Variants in RALYL observed in about 807,000 individuals in gnomAD.
The protein encoded by RALYL is RNA-binding Raly-like protein.
Under a neutral mutation model 35.1 loss-of-function variants are expected in RALYL, and 29 were observed. The observed-to-expected ratio is 0.83, with a 90% confidence interval of 0.61 to 1.13. The LOEUF is 1.13. Ranked by LOEUF, RALYL falls within the 50% of genes most tolerant of loss-of-function variation. The probability of loss-of-function intolerance (pLI) is 0.00; values close to 1 mark genes in which losing one functional copy is unlikely to be tolerated. For synonymous variants in RALYL, 120 were observed against 127.6 expected (o/e 0.94, Z 0.40); for missense variants, 359 against 360.4 (o/e 1.00, Z 0.03).
At chr8:84,353,617 G>T (rs1476465059) in intron 1 of RALYL, among the ~76,000 whole-genome samples, 1 of 150,072 alleles carries the variant, frequency 6.7e-6, no homozygotes, top group Admixed American at 6.6e-5. Context: ...GAGAAAGTAT[G>T]AATCATTTTT....
At chr8:84,435,803 G>A (rs1307667051) in intron 1 of RALYL, among the ~76,000 whole-genome samples, 1 of 152,184 alleles carries the variant, frequency 6.6e-6, no homozygotes, top group East Asian at 1.9e-4. Context: ...TGAAAATAAG[G>A]CATTGAACTG....
intron 4 of RALYL, among the ~76,000 whole-genome samples, chr8:84,842,229 A>G (rs955369310): frequency 1.4e-4 from 21 of 152,330 alleles, no homozygotes; most frequent in African/African-American, 5.1e-4. Context: ...AGCAAGACTA[A>G]TAAAGAAGAA....
At position 84,428,993 on chromosome 8, in the gene RALYL, T is replaced by A. The variant is rs568951926; in HGVS notation, c.-23-100306T>A. ...ACCCTAGGATTTACTTACACATGGA[T>A]GATTTATAGAGATTTCCCCATTGTT... On this transcript the variant is annotated intron_variant, in intron 1 of 8. Coordinates refer to ENST00000521268, the MANE Select transcript of RALYL (RefSeq NM_173848.7). Among the ~76,000 whole-genome samples the A allele has an allele frequency of 7.9e-5, 12 of 152,294 alleles. No homozygotes were observed. In the South Asian group the frequency reaches 2.3e-3, roughly 29 times the overall value.
intron 1 of RALYL, among the ~76,000 whole-genome samples, chr8:84,502,655 G>GT (rs1399531314): frequency 6.6e-6 from 1 of 151,922 alleles, no homozygotes; most frequent in Admixed American, 6.6e-5. Context: ...CTTCCTGTGT[G>GT]TTTTCAGTTT....
intron 2 of RALYL, among the ~76,000 whole-genome samples, chr8:84,646,474 C>T (rs1301303809): frequency 6.6e-6 from 1 of 151,900 alleles, no homozygotes; most frequent in African/African-American, 2.4e-5. Context: ...TATTATAGGT[C>T]TCTTAAGTTC....
chr8:84,813,762 C>CT lies in RALYL; in HGVS notation c.365+8969dup, dbSNP rs557463178. The stretch of plus-strand genomic sequence containing the variant: ...CTAGATGTGTTAGTTTAGGCAATTA[C>CT]TTTTTTTTTAATACTTTAAGTTCTA... On this transcript the variant is annotated intron_variant, in intron 4 of 8. Coordinates refer to ENST00000521268, the MANE Select transcript of RALYL (RefSeq NM_173848.7). Among the ~76,000 whole-genome samples the CT allele has an allele frequency of 1.8e-4, 28 of 151,374 alleles. No individual in the cohort carries two copies. The South Asian group carries it at 4.0e-3, about 21-fold the overall frequency.
intron 1 of RALYL, among the ~76,000 whole-genome samples, chr8:84,517,903 A>G (rs1482292467): frequency 1.3e-5 from 2 of 152,210 alleles, no homozygotes; most frequent in Non-Finnish European, 2.9e-5. Context: ...TTTTTAAAAT[A>G]AAGATGGGAA....
At chr8:84,820,300 G>A (rs1035446911) in intron 4 of RALYL, among the ~76,000 whole-genome samples, 54 of 152,242 alleles carry the variant, frequency 3.5e-4, no homozygotes, top group Middle Eastern at 3.4e-3. Flanking sequence ...TAACATGCAA[G>A]TCTAAATTAG....
intron 8 of RALYL, among the ~76,000 whole-genome samples, chr8:84,897,350 C>T (rs1365673): frequency 0.46 from 69,647 of 151,990 alleles, 18,972 homozygotes; most frequent in African/African-American, 0.75. Flanking sequence ...CCTGGATTAT[C>T]CAAATTTGTT....
intron 1 of RALYL, among the ~76,000 whole-genome samples, chr8:84,458,462 A>G (rs536632790): frequency 3.3e-5 from 5 of 151,948 alleles, no homozygotes; most frequent in East Asian, 1.9e-4. Context: ...TGTTGATTAT[A>G]TCAAGTCTTG....
chr8:84,748,147 A>C (rs1288947946), intron 2 of RALYL, among the ~76,000 whole-genome samples: 1 of 151,930 alleles, frequency 6.6e-6, no homozygotes, highest in East Asian at 1.9e-4. Context: ...AATCTTACTA[A>C]CTGAAAGGAT....
intron 1 of RALYL, among the ~76,000 whole-genome samples, chr8:84,390,038 C>G (rs1471510833): frequency 2.0e-5 from 3 of 152,022 alleles, no homozygotes; most frequent in Admixed American, 6.6e-5. Flanking sequence ...CATTTATTGA[C>G]AGTTTTTTGC....
At chr8:84,796,179 A>G (rs2133910565) in intron 3 of RALYL, among the ~76,000 whole-genome samples, 1 of 152,288 alleles carries the variant, frequency 6.6e-6, no homozygotes, top group South Asian at 2.1e-4. Context: ...GTACAGACCA[A>G]CCAGTGCTTC....
At chr8:84,271,266 A>T (rs1834256593) in intron 1 of RALYL, among the ~76,000 whole-genome samples, 1 of 152,134 alleles carries the variant, frequency 6.6e-6, no homozygotes, top group Non-Finnish European at 1.5e-5. Context: ...AAAATATACA[A>T]ATGGCAAACA....
chr8:84,191,472 C>T (rs571439030), intron 1 of RALYL, among the ~76,000 whole-genome samples: 172 of 152,234 alleles, frequency 1.1e-3, no homozygotes, highest in Non-Finnish European at 2.0e-3. Flanking sequence ...AGCATGGCTT[C>T]TTAATATCAT....
intron 1 of RALYL, among the ~76,000 whole-genome samples, chr8:84,230,978 C>A (rs1419010102): frequency 6.6e-6 from 1 of 152,174 alleles, no homozygotes; most frequent in African/African-American, 2.4e-5. Context: ...AGCCTCTAGA[C>A]ACTAACACTC....
intron 1 of RALYL, among the ~76,000 whole-genome samples, chr8:84,503,747 G>T (rs1182780269): frequency 6.7e-6 from 1 of 150,368 alleles, no homozygotes; most frequent in Non-Finnish European, 1.5e-5. Context: ...TACTCTGAAG[G>T]CTGAGGCAGG....
chr8:84,625,741 A>G (rs17788618), intron 2 of RALYL, among the ~76,000 whole-genome samples: 2,030 of 152,304 alleles, frequency 0.013, 16 homozygotes, highest in Middle Eastern at 0.041. Flanking sequence ...GTTACACCAT[A>G]CAAGCTCTCA....
chr8:84,771,036 C>CT (rs1406204298), intron 2 of RALYL, among the ~76,000 whole-genome samples: 10 of 151,646 alleles, frequency 6.6e-5, no homozygotes, highest in African/African-American at 1.9e-4. Flanking sequence ...TGCACAGAAG[C>CT]TTTTTTTTCT....
Sources: gnomAD v4.1 joint callset for allele counts (sites outside exome capture counted in the v4.1 genomes callset) on GRCh38, gnomAD v4.1.1 for gene constraint, MANE v1.5 for transcripts, NCBI Gene and HGNC (gene_info 2026-07-23, HGNC 2026-07-21) for gene names.